Variants in DSCAML1 observed in about 807,000 individuals in gnomAD.
DSCAML1 encodes DS cell adhesion molecule like 1.
DSCAML1 carries 38 observed loss-of-function variants against 200.5 expected under a neutral mutation model. The observed-to-expected ratio is 0.19, with a 90% CI of 0.15 to 0.25. The LOEUF is 0.25. Among genes scored for constraint, DSCAML1 ranks in the 10% least tolerant of loss-of-function variants. The probability of loss-of-function intolerance (pLI) is 1.00; values close to 1 mark genes in which losing one functional copy is unlikely to be tolerated. For synonymous variants in DSCAML1, 1,215 were observed against 1,165.0 expected, an observed-to-expected ratio of 1.04 and a Z score of -0.87; for missense variants, 2,223 against 2,858.8, an observed-to-expected ratio of 0.78 and a Z score of 5.07.
rs1346647794 is a variant in DSCAML1 at position 117,467,209 on chromosome 11, C to G, written c.3025-2027G>C. Among the ~76,000 whole-genome samples, 26 of 141,704 alleles carry G rather than the reference C, an allele frequency of 1.8e-4. 1 individual carries two copies. Among genetic ancestry groups the G allele is most frequent in the African/African-American group, 6.9e-4 (25 of 36,194 alleles). The allele number at this position is 141,704 out of a possible 152,430, so 93.0% of individuals were successfully genotyped here. A position where few individuals can be genotyped will look rare whatever the true frequency, so the allele number is the denominator to read the frequency against. ...TGCACACACACCTCCCCCCTCCCCC[C>G]GCCGCCAATATATCCATTCACACCC... On this transcript the variant is annotated intron_variant, in intron 16 of 32. Transcript: ENST00000651296.
intron 3 of DSCAML1, among the ~76,000 whole-genome samples, chr11:117,745,942 C>T (rs532471401): frequency 6.6e-5 from 10 of 151,942 alleles, no homozygotes; most frequent in African/African-American, 1.5e-4. Context: ...AGGCCAGGCG[C>T]GGTGGCTCAC....
chr11:117,770,187 C>T (rs2055012290), intron 3 of DSCAML1, among the ~76,000 whole-genome samples: 1 of 152,136 alleles, frequency 6.6e-6, no homozygotes, highest in Non-Finnish European at 1.5e-5. Context: ...CACTATAGTC[C>T]CAAGACAGAA....
intron 21 of DSCAML1, 98 bp from the exon 22 acceptor site, chr11:117,440,034 C>T: frequency 1.9e-6 from 2 of 1,058,462 alleles, no homozygotes; most frequent in Non-Finnish European, 2.9e-6. Context: ...TTCAAATCCT[C>T]CCTCCCCGAT....
chr11:117,571,435 A>G (rs1047723609), intron 3 of DSCAML1, among the ~76,000 whole-genome samples: 1 of 152,142 alleles, frequency 6.6e-6, no homozygotes. Flanking sequence ...TGGAAGGAGG[A>G]GCCCACTCTC....
chr11:117,482,659 T>C (rs2048953050), intron 11 of DSCAML1, among the ~76,000 whole-genome samples: 2 of 151,558 alleles, frequency 1.3e-5, no homozygotes, highest in South Asian at 2.1e-4. Context: ...TGTGATGTGA[T>C]GGGAGCATAT....
At chr11:117,512,044 C>T (rs967185267) in intron 8 of DSCAML1, among the ~76,000 whole-genome samples, 7 of 152,198 alleles carry the variant, frequency 4.6e-5, no homozygotes, top group Non-Finnish European at 1.0e-4. Context: ...GTTGTTTTTC[C>T]GGCTCATGGA....
chr11:117,477,991 C>T (rs1166717494), intron 14 of DSCAML1, among the ~76,000 whole-genome samples: 1 of 152,242 alleles, frequency 6.6e-6, no homozygotes, highest in Non-Finnish European at 1.5e-5. Flanking sequence ...ATCTCTCCCT[C>T]CACCTTCCCC....
chr11:117,636,606 A>T (rs552706191), intron 3 of DSCAML1, among the ~76,000 whole-genome samples: 1 of 152,206 alleles, frequency 6.6e-6, no homozygotes, highest in Admixed American at 6.5e-5. Context: ...AGGGAGCCAC[A>T]CTTCCCCCTG....
At chr11:117,671,723 A>G (rs1410274998) in intron 3 of DSCAML1, among the ~76,000 whole-genome samples, 1 of 152,230 alleles carries the variant, frequency 6.6e-6, no homozygotes, top group Non-Finnish European at 1.5e-5. Flanking sequence ...ATGGAAGCAA[A>G]TAAAAATAGA....
rs2049817703 is a variant in DSCAML1 at position 117,518,375 on chromosome 11, A to G, written c.1510+91T>C. 1.3e-6 allele frequency: 2 copies of G among 1,525,576 alleles called. No homozygotes were observed. Among genetic ancestry groups the G allele is most frequent in the Non-Finnish European group, 1.8e-6 (2 of 1,108,754 alleles). The allele number at this position is 1,525,576 out of a possible 1,614,324, so 94.5% of individuals were successfully genotyped here. ...ACTAAAATCAAAATGACGATTAATA[A>G]TAAGTACTAATCAGCACAAGAATAA... On this transcript the variant is annotated intron_variant, in intron 7 of 32. Transcript: ENST00000651296. This position sits in a 1 kb window ranked among gnomAD's most constrained non-coding sequence, Gnocchi z 6.3.
intron 3 of DSCAML1, among the ~76,000 whole-genome samples, chr11:117,536,533 C>CATTTGGGGTTGACAGCATA (rs1222429318): frequency 6.6e-6 from 1 of 152,208 alleles, no homozygotes; most frequent in Non-Finnish European, 1.5e-5. Context: ...GGAGGTGGGA[C>CATTTGGGGTTGACAGCATA]ATTTGGGGTT....
intron 3 of DSCAML1, among the ~76,000 whole-genome samples, chr11:117,744,502 T>C (rs2054480768): frequency 6.6e-6 from 1 of 152,230 alleles, no homozygotes; most frequent in African/African-American, 2.4e-5. Context: ...GTGAGACCTT[T>C]ACAAGAAGCC....
In DSCAML1 at chr11:117,524,842, G is replaced by A. The variant is rs755827831; in HGVS notation, c.900C>T (p.Phe300=). 16 of 1,594,862 alleles carry A rather than the reference G, an allele frequency of 1.0e-5. No homozygotes were observed. The highest frequency in any genetic ancestry group is 3.4e-5 in the South Asian group (3 of 87,818). The change falls in exon 5 of 33, where the codon TTC becomes TTT. Residue 300 remains phenylalanine, a synonymous_variant. Coordinates refer to ENST00000651296, the MANE Select transcript of DSCAML1 (RefSeq NM_020693.4). ...GGATGCCTGTGGCCTCTGCCGAACC[G>A]AAGGTGTTGGTGACCTCACAAATGT... ...GTYICEVTNT[F]GSAEATGILM...
chr11:117,701,178 A>T (rs1324219667), intron 3 of DSCAML1, among the ~76,000 whole-genome samples: 1 of 152,134 alleles, frequency 6.6e-6, no homozygotes, highest in Non-Finnish European at 1.5e-5. Flanking sequence ...AGGCAGGAGA[A>T]TTGCTGGAAC....
At chr11:117,805,551 TG>T (rs2055701524) in intron 1 of DSCAML1, among the ~76,000 whole-genome samples, 2 of 152,242 alleles carry the variant, frequency 1.3e-5, no homozygotes, top group Non-Finnish European at 2.9e-5. Context: ...TTTTTGTTTT[TG>T]TTTTTTACTG....
chr11:117,557,746 G>C (rs538654719), intron 3 of DSCAML1, among the ~76,000 whole-genome samples: 1 of 152,296 alleles, frequency 6.6e-6, no homozygotes, highest in African/African-American at 2.4e-5. Flanking sequence ...AAGGAACAAA[G>C]CAAGGGAGCA....
At chr11:117,459,400 A>G (rs2048436725) in intron 18 of DSCAML1, among the ~76,000 whole-genome samples, 2 of 152,194 alleles carry the variant, frequency 1.3e-5, no homozygotes, top group Non-Finnish European at 2.9e-5. Flanking sequence ...GGTGTGTGAC[A>G]GGCTGAGGCT....
chr11:117,770,643 C>T lies in DSCAML1; in HGVS notation c.511+6148G>A, dbSNP rs115919853. 8.8e-3 allele frequency among the ~76,000 whole-genome samples: 1,296 copies of T among 147,790 alleles called. 23 individuals are homozygous for T. Among genetic ancestry groups the T allele is most frequent in the African/African-American group, 0.031 (1,248 of 40,518 alleles). Reference sequence around the variant, plus strand: ...ATGAATCCTGCCCCTGATGATTATACATTCCTGTAATGGGGATAACACAGA... The same window carrying T: ...ATGAATCCTGCCCCTGATGATTATATATTCCTGTAATGGGGATAACACAGA... On this transcript the variant is annotated intron_variant, in intron 3 of 32. Coordinates refer to ENST00000651296, the MANE Select transcript of DSCAML1 (RefSeq NM_020693.4).
rs552784985 is a variant in DSCAML1 at position 117,687,426 on chromosome 11, A to ATTTTAAT, written c.511+89364_511+89365insATTAAAA. Among the ~76,000 whole-genome samples the ATTTTAAT allele has an allele frequency of 8.7e-4, 85 of 97,650 alleles. 1 individual carries two copies. Among genetic ancestry groups the ATTTTAAT allele is most frequent in the African/African-American group, 3.1e-3 (76 of 24,310 alleles). 64.1% of individuals were successfully genotyped at this position (97,650 alleles called of 152,430 possible). On this transcript the variant is annotated intron_variant, in intron 3 of 32. Coordinates refer to ENST00000651296, the MANE Select transcript of DSCAML1 (RefSeq NM_020693.4). ...CAGGTGTGCTCCACCATGCCTGGCT[A>ATTTTAAT]TTTTTTTTTTTTTTTTTTTTTTAGA...
Sources: gnomAD v4.1 joint callset for allele counts (sites outside exome capture counted in the v4.1 genomes callset) on GRCh38, gnomAD v4.1.1 for gene constraint, Gnocchi (gnomAD v3.1) non-coding constraint, MANE v1.5 for transcripts, NCBI Gene and HGNC (gene_info 2026-07-23, HGNC 2026-07-21) for gene names.